ANO3: variants seen among roughly 807,000 people sequenced by gnomAD.
ANO3 encodes the protein anoctamin-3.
ANO3 carries 99 observed loss-of-function variants against 144.8 expected under a neutral mutation model. The ratio of observed to expected loss-of-function variants is 0.68; its 90% CI spans 0.58 to 0.81. ANO3 has a LOEUF of 0.81. Among genes scored for constraint, ANO3 ranks in the 30% least tolerant of loss-of-function variants. The pLI, the probability that ANO3 is intolerant of heterozygous loss-of-function variation, is 0.00. For synonymous variants in ANO3, 414 were observed against 392.6 expected (o/e 1.05, Z -0.64); for missense variants, 905 against 1,202.2 (o/e 0.75, Z 3.66).
intron 18 of ANO3, among the ~76,000 whole-genome samples, chr11:26,625,005 A>G (rs73436304): frequency 1.0e-3 from 154 of 151,940 alleles, no homozygotes; most frequent in African/African-American, 3.6e-3. Context: ...GCTCACTGCA[A>G]GCTGCACCTC....
At chr11:26,512,386 TG>T (rs1343812062) in intron 5 of ANO3, among the ~76,000 whole-genome samples, 1 of 152,224 alleles carries the variant, frequency 6.6e-6, no homozygotes, top group African/African-American at 2.4e-5. Context: ...TCATCAGAGC[TG>T]AACAGAATAG....
intron 1 of ANO3, among the ~76,000 whole-genome samples, chr11:26,352,551 T>C (rs976336116): frequency 5.3e-5 from 8 of 152,194 alleles, no homozygotes; most frequent in African/African-American, 1.9e-4. Context: ...GGGAATTAGA[T>C]GCTTGTCCTT....
At chr11:26,640,989 C>T (rs1239462773) in intron 21 of ANO3, among the ~76,000 whole-genome samples, 1 of 152,156 alleles carries the variant, frequency 6.6e-6, no homozygotes, top group Non-Finnish European at 1.5e-5. Flanking sequence ...CCAACTGCCA[C>T]TTAGGTTCCG....
chr11:26,647,637 C>T lies in ANO3; in HGVS notation c.2429-72C>T, dbSNP rs998868769. The T allele has an allele frequency of 4.5e-5, 65 of 1,432,920 alleles. No individual in the cohort carries two copies. In the African/African-American group the frequency reaches 7.3e-4, roughly 16 times the overall value. The allele number at this position is 1,432,920 out of a possible 1,614,324, so 88.8% of individuals were successfully genotyped here. On this transcript the variant is annotated intron_variant, in intron 23 of 26. Coordinates refer to ENST00000256737, the MANE Select transcript of ANO3 (RefSeq NM_031418.4). ...TCCAACATAAGTAAAACATTATTTCCAAAATAAGATTAATTACAGGGTTTT... is the reference window on the plus strand; with the variant it reads ...TCCAACATAAGTAAAACATTATTTCTAAAATAAGATTAATTACAGGGTTTT...
intron 14 of ANO3, among the ~76,000 whole-genome samples, chr11:26,564,732 C>CACACATAT (rs1565108986): frequency 7.9e-5 from 2 of 25,412 alleles, no homozygotes; most frequent in African/African-American, 1.4e-4. Context: ...CACACACACA[C>CACACATAT]ATATATATAT....
chr11:26,532,571 C>A (rs558948515), intron 8 of ANO3, among the ~76,000 whole-genome samples: 12 of 152,222 alleles, frequency 7.9e-5, no homozygotes, highest in Non-Finnish European at 1.5e-4. Flanking sequence ...TACTGCCCAG[C>A]ACTATCACCC....
intron 1 of ANO3, among the ~76,000 whole-genome samples, chr11:26,267,870 AT>A (rs140266906): frequency 2.0e-5 from 3 of 151,694 alleles, no homozygotes; most frequent in East Asian, 1.9e-4. Context: ...CTTTTGTCTC[AT>A]TTTTTTTCTT....
chr11:26,596,948 A>G (rs1851647927), intron 14 of ANO3, among the ~76,000 whole-genome samples: 1 of 152,184 alleles, frequency 6.6e-6, no homozygotes, highest in Admixed American at 6.5e-5. Flanking sequence ...AAAGCTCCCA[A>G]CACAGAAGGG....
At chr11:26,230,691 G>T (rs1020266734) in intron 1 of ANO3, among the ~76,000 whole-genome samples, 1 of 150,320 alleles carries the variant, frequency 6.7e-6, no homozygotes, top group East Asian at 2.1e-4. Context: ...CAGCTAATCA[G>T]GAGGCTGAGG....
At chr11:26,569,141 C>T (rs1850718159) in intron 14 of ANO3, among the ~76,000 whole-genome samples, 1 of 151,972 alleles carries the variant, frequency 6.6e-6, no homozygotes, top group Admixed American at 6.6e-5. Context: ...TTCTGTTGTT[C>T]CTGTTTCACC....
intron 1 of ANO3, among the ~76,000 whole-genome samples, chr11:26,313,565 T>G (rs982097610): frequency 6.6e-6 from 1 of 152,000 alleles, no homozygotes. Context: ...TGCGTGCCTA[T>G]AGTCCCTGCT....
chr11:26,413,659 A>G (rs7936431), intron 1 of ANO3, among the ~76,000 whole-genome samples: 96,697 of 151,966 alleles, frequency 0.64, 33,460 homozygotes, highest in Admixed American at 0.78. Context: ...AACTTTATTT[A>G]TGTAATTCTT....
At chr11:26,315,378 GGGA>G (rs1854598388) in intron 1 of ANO3, among the ~76,000 whole-genome samples, 1 of 152,150 alleles carries the variant, frequency 6.6e-6, no homozygotes, top group Non-Finnish European at 1.5e-5. Flanking sequence ...GCAAGTTGCT[GGGA>G]GGAGATTTAC....
At chr11:26,218,591 T>A (rs1852080394) in intron 1 of ANO3, among the ~76,000 whole-genome samples, 1 of 152,136 alleles carries the variant, frequency 6.6e-6, no homozygotes. Context: ...CAAATTAGCA[T>A]TTGCCAAAGA....
chr11:26,281,088 G>T (rs147018640), intron 1 of ANO3, among the ~76,000 whole-genome samples: 1 of 152,128 alleles, frequency 6.6e-6, no homozygotes, highest in African/African-American at 2.4e-5. Context: ...TTTTCATATA[G>T]TGTCTCACTT....
At chr11:26,465,390 TTG>T (rs1271053878) in intron 4 of ANO3, among the ~76,000 whole-genome samples, 1 of 151,750 alleles carries the variant, frequency 6.6e-6, no homozygotes, top group East Asian at 1.9e-4. Context: ...GTAATCTACA[TTG>T]TGCATATTAT....
chr11:26,432,745 G>A (rs956736022), intron 1 of ANO3, among the ~76,000 whole-genome samples: 10 of 151,966 alleles, frequency 6.6e-5, no homozygotes, highest in African/African-American at 2.4e-4. Context: ...TCTCTATGCT[G>A]CTCCTTTGGT....
intron 3 of ANO3, among the ~76,000 whole-genome samples, chr11:26,461,794 A>G (rs1237429862): frequency 6.6e-6 from 1 of 151,984 alleles, no homozygotes; most frequent in African/African-American, 2.4e-5. Flanking sequence ...TTTGCTTATT[A>G]TTAAATGTAG....
intron 1 of ANO3, among the ~76,000 whole-genome samples, chr11:26,434,069 A>C (rs988459987): frequency 6.6e-6 from 1 of 151,782 alleles, no homozygotes; most frequent in African/African-American, 2.4e-5. Context: ...TCAATTTTGT[A>C]GTATTGGTCT....
Sources: allele counts gnomAD v4.1 joint callset (sites outside exome capture counted in the v4.1 genomes callset), GRCh38; gene constraint gnomAD v4.1.1; transcripts MANE v1.5; gene names NCBI Gene and HGNC (gene_info 2026-07-23, HGNC 2026-07-21).